The following ANKRD36 variants were observed in gnomAD, a reference collection of about 807,000 sequenced individuals.
The protein encoded by ANKRD36 is ankyrin repeat domain 36, also known as ankyrin repeat domain-containing protein 36A.
A neutral mutation model predicts 278.1 loss-of-function variants in ANKRD36; 179 were observed. The observed-to-expected ratio is 0.64, with a 90% CI of 0.57 to 0.73. The LOEUF (loss-of-function observed/expected upper bound fraction) is 0.73. Ranked by LOEUF, ANKRD36 falls within the 30% of genes least tolerant of loss-of-function variation. The pLI is 0.00. For synonymous variants in ANKRD36, 320 were observed against 641.1 expected (o/e 0.50, Z 7.57); for missense variants, 1,159 against 1,956.7 (o/e 0.59, Z 7.69).
chr2:97,240,979 T>A, intron 68 of ANKRD36, among the ~76,000 whole-genome samples: 1 of 91,826 alleles, frequency 1.1e-5, no homozygotes, highest in Non-Finnish European at 1.9e-5. Flanking sequence ...ATCACATAAC[T>A]ATGTTTTTTT....
At chr2:97,232,184 ATTAT>A (rs2072389146) in intron 67 of ANKRD36, among the ~76,000 whole-genome samples, 1 of 151,976 alleles carries the variant, frequency 6.6e-6, no homozygotes, top group Non-Finnish European at 1.5e-5. Context: ...TTTACACTTG[ATTAT>A]TTAAAGATAA....
At chr2:97,198,860 C>G (rs1435754623) in intron 44 of ANKRD36, among the ~76,000 whole-genome samples, 1 of 151,714 alleles carries the variant, frequency 6.6e-6, no homozygotes, top group Non-Finnish European at 1.5e-5. Context: ...ATACACTTCC[C>G]CACATTGAAA....
intron 6 of ANKRD36, among the ~76,000 whole-genome samples, chr2:97,142,224 T>C (rs2043089300): frequency 6.6e-6 from 1 of 152,294 alleles, no homozygotes; most frequent in African/African-American, 2.4e-5. Flanking sequence ...TGATGAATGG[T>C]TGTAGTATAA....
chr2:97,113,911 G>T lies in ANKRD36; in HGVS notation c.172G>T (p.Ala58Ser). The T allele has an allele frequency of 6.2e-7, 1 of 1,612,808 alleles. No homozygotes were observed. Among genetic ancestry groups the T allele is most frequent in the Non-Finnish European group, 8.5e-7 (1 of 1,179,898 alleles). ...GTACCTTCTGCTCACGTATTATGAC[G>T]CCAATAAGAGAGACAGGAAGGAAAG... ...LKYLLLTYYD[A>S]NKRDRKERTA... Residue 58 changes from alanine (A) to serine (S), a missense_variant, in exon 1 of 76, where the codon GCC becomes TCC. Coordinates refer to ENST00000420699, the MANE Select transcript of ANKRD36 (RefSeq NM_001354587.1).
intron 54 of ANKRD36, among the ~76,000 whole-genome samples, chr2:97,208,895 A>AT: frequency 6.8e-6 from 1 of 146,788 alleles, no homozygotes; most frequent in Non-Finnish European, 1.5e-5. Context: ...TTCAATGAAT[A>AT]TTGCAGTGAT....
chr2:97,114,242 T>G (rs1265881375), intron 1 of ANKRD36, among the ~76,000 whole-genome samples: 11 of 77,214 alleles, frequency 1.4e-4, no homozygotes, highest in Non-Finnish European at 2.0e-4. Flanking sequence ...CGGTGTGGGG[T>G]GGGGAGATGG....
Position 97,187,357 on chromosome 2 carries a change from C to T in ANKRD36, c.2099C>T (p.Ser700Leu), listed in dbSNP as rs1056513329. ...KATTDEEDSV[S>L]NIATEIKDGE... ...ACAACTGACGAGGAAGACTCTGTTT[C>T]GAATATAGCCACAGAAATAAAGGAT... Residue 700 changes from serine to leucine, a missense_variant, in exon 32 of 76, where the codon TCG becomes TTG. Coordinates refer to ENST00000420699, the MANE Select transcript of ANKRD36 (RefSeq NM_001354587.1). The T allele has an allele frequency of 1.1e-5, 17 of 1,608,478 alleles. No individual in the cohort carries two copies. The African/African-American group carries it at 1.5e-4, about 14-fold the overall frequency.
chr2:97,149,279 T>A lies in ANKRD36; in HGVS notation c.1035-16T>A. The A allele has an allele frequency of 6.5e-7, 1 of 1,531,414 alleles. No homozygotes were observed. The highest frequency in any genetic ancestry group is 1.2e-5 in the South Asian group (1 of 83,728). The allele number at this position is 1,531,414 out of a possible 1,614,324, so 94.9% of individuals were successfully genotyped here. On this transcript the variant is annotated splice_polypyrimidine_tract_variant and intron_variant, in intron 11 of 75. Coordinates refer to ENST00000420699, the MANE Select transcript of ANKRD36 (RefSeq NM_001354587.1). ...AATGAATGAGCTCATTTTTGTAATA[T>A]CTTTTTGCTCTGTAGGAGTCTCTAC...
At chr2:97,194,241 G>A (rs1009014899) in intron 38 of ANKRD36, among the ~76,000 whole-genome samples, 1 of 151,614 alleles carries the variant, frequency 6.6e-6, no homozygotes, top group Non-Finnish European at 1.5e-5. Flanking sequence ...TGAAGTGTAC[G>A]TTCAACTGGA....
intron 42 of ANKRD36, 60 bp from the exon 43 acceptor site, chr2:97,198,403 T>A (rs1218740679): frequency 3.0e-5 from 46 of 1,554,016 alleles, no homozygotes; most frequent in Middle Eastern, 2.3e-4. Context: ...ACTGTATGAA[T>A]GTATGGATAA....
intron 26 of ANKRD36, among the ~76,000 whole-genome samples, chr2:97,182,745 A>C (rs1002021942): frequency 2.0e-5 from 3 of 151,378 alleles, no homozygotes; most frequent in Non-Finnish European, 4.4e-5. Flanking sequence ...AAGTATGTCA[A>C]ATTTGATCAT....
rs1271259570 is a variant in ANKRD36, at chr2:97,206,189, C to T, written c.3163+54C>T. ...GTTCAGTCGAGATAGATAAGAAGTT[C>T]TCTTCCCCAAGTAAATCAGCGGGGG... On this transcript the variant is annotated intron_variant, in intron 52 of 75. Coordinates refer to ENST00000420699, the MANE Select transcript of ANKRD36 (RefSeq NM_001354587.1). 14 of 1,465,814 alleles carry T rather than the reference C, an allele frequency of 9.6e-6. No homozygotes were observed. The East Asian group carries it at 3.2e-4, about 34-fold the overall frequency. The allele number at this position is 1,465,814 out of a possible 1,614,324, so 90.8% of individuals were successfully genotyped here. A position where few individuals can be genotyped will look rare whatever the true frequency, so the allele number is the denominator to read the frequency against.
At chr2:97,230,332 T>A (rs1278653373) in intron 67 of ANKRD36, among the ~76,000 whole-genome samples, 3 of 152,042 alleles carry the variant, frequency 2.0e-5, no homozygotes, top group Non-Finnish European at 4.4e-5. Context: ...AGGCTTTGTT[T>A]GTTTCTTTTC....
intron 6 of ANKRD36, among the ~76,000 whole-genome samples, chr2:97,136,877 T>G (rs2041650266): frequency 6.6e-6 from 1 of 152,112 alleles, no homozygotes; most frequent in African/African-American, 2.4e-5. Context: ...CTGTTAGAAT[T>G]ATGACTATTT....
At chr2:97,115,716 G>T (rs1208929892) in intron 1 of ANKRD36, among the ~76,000 whole-genome samples, 1 of 151,020 alleles carries the variant, frequency 6.6e-6, no homozygotes. Context: ...TTACATTTCT[G>T]ATGACTTTTC....
At chr2:97,206,577 T>C (rs1231411413) in intron 52 of ANKRD36, among the ~76,000 whole-genome samples, 1 of 151,464 alleles carries the variant, frequency 6.6e-6, no homozygotes, top group Non-Finnish European at 1.5e-5. Context: ...GCAATCACTT[T>C]CCCAAAGAAG....
chr2:97,260,347 GATATATATATATATATATAT>G (rs71218080), intron 75 of ANKRD36, among the ~76,000 whole-genome samples: 5 of 117,648 alleles, frequency 4.2e-5, no homozygotes, highest in South Asian at 6.1e-4. Flanking sequence ...TATTTTAAAA[GATATATATATATATATATAT>G]ATATATATAT....
chr2:97,198,651 T>A lies in ANKRD36; in HGVS notation c.2748T>A (p.Thr916=), dbSNP rs1409920363. Reference sequence around the variant, plus strand: ...GAGGAAAAAAGGATGGAGAAAAAACTAAGAGAGGTAATTTTGAAAAGAGAT... The same window carrying A: ...GAGGAAAAAAGGATGGAGAAAAAACAAAGAGAGGTAATTTTGAAAAGAGAT... ...IARGKKDGEK[T]KRVSSRKKPS... Residue 916 remains threonine, a synonymous_variant, in exon 44 of 76, where the codon ACT becomes ACA. Coordinates refer to ENST00000420699, the MANE Select transcript of ANKRD36 (RefSeq NM_001354587.1). The A allele has an allele frequency of 1.3e-6, 2 of 1,541,830 alleles. No individual in the cohort carries two copies. The highest frequency in any genetic ancestry group is 1.8e-6 in the Non-Finnish European group (2 of 1,140,658).
chr2:97,143,932 G>A (rs71429331), intron 8 of ANKRD36, among the ~76,000 whole-genome samples: 1 of 127,382 alleles, frequency 7.9e-6, no homozygotes, highest in African/African-American at 3.0e-5. Flanking sequence ...GACACCACAG[G>A]GGTGTGAGAA....
Sources: allele counts gnomAD v4.1 joint callset (sites outside exome capture counted in the v4.1 genomes callset), GRCh38; gene constraint gnomAD v4.1.1; transcripts MANE v1.5; gene names NCBI Gene and HGNC (gene_info 2026-07-23, HGNC 2026-07-21).